Variants in INSL6 observed in about 807,000 individuals in gnomAD.
INSL6 encodes the protein insulin-like peptide INSL6.
In INSL6, 16 loss-of-function variants were observed where a neutral mutation model predicts 9.4. The observed-to-expected ratio is 1.70, with a 90% confidence interval of 1.15 to 2.59. The LOEUF (loss-of-function observed/expected upper bound fraction) is 2.59, where lower values mean the gene tolerates loss of function less well. Among genes scored for constraint, INSL6 ranks in the 30% most tolerant of loss-of-function variants. The pLI, the probability that INSL6 is intolerant of heterozygous loss-of-function variation, is 0.00. For synonymous variants in INSL6, 154 were observed against 96.9 expected (o/e 1.59, Z -3.46); for missense variants, 391 against 257.3 (o/e 1.52, Z -3.56).
chr9:5,171,858 T>A (rs921700342), intron 1 of INSL6, among the ~76,000 whole-genome samples: 1 of 152,044 alleles, frequency 6.6e-6, no homozygotes, highest in Admixed American at 6.5e-5. Flanking sequence ...CAAAAAAAAA[T>A]TCCATGTTCA....
At chr9:5,090,758 C>A in the INSL6 span, 1 of 1,603,484 alleles carries the variant, frequency 6.2e-7, no homozygotes. Context: ...TATCTTGGTA[C>A]AAAAAGGTAT....
Position 5,155,477 on chromosome 9 carries a change from TA to T in INSL6, c.376+8701del, listed in dbSNP as rs375686430. ...GTACCCTAAAACTTAAAGTATAATT[TA>T]AAAAAAAAACCTGGAGGTACCTAGC... is the stretch of plus-strand genomic sequence containing the variant. On this transcript the variant is annotated intron_variant, in intron 2 of 3. Coordinates refer to the INSL6 transcript ENST00000649639. Among the ~76,000 whole-genome samples, 175 of 131,924 alleles carry T rather than the reference TA, an allele frequency of 1.3e-3. 1 individual carries two copies. Among genetic ancestry groups the T allele is most frequent in the African/African-American group, 4.4e-3 (155 of 34,976 alleles). The allele number at this position is 131,924 out of a possible 152,430, so 86.5% of individuals were successfully genotyped here.
intron 1 of INSL6, among the ~76,000 whole-genome samples, chr9:5,175,647 C>T (rs1041991364): frequency 6.6e-6 from 1 of 152,104 alleles, no homozygotes; most frequent in African/African-American, 2.4e-5. Context: ...CTCCCCATTG[C>T]TCGCATTATC....
chr9:5,010,768 G>GTTC, the INSL6 span, among the ~76,000 whole-genome samples: 4 of 152,070 alleles, frequency 2.6e-5, no homozygotes, highest in Non-Finnish European at 5.9e-5. Flanking sequence ...TTCTTTATCA[G>GTTC]TTCTTGAGTG....
chr9:5,014,832 C>T, the INSL6 span, among the ~76,000 whole-genome samples: 1 of 152,152 alleles, frequency 6.6e-6, no homozygotes, highest in African/African-American at 2.4e-5. Flanking sequence ...TTTGCACCTA[C>T]ATATGTGTTT....
At chr9:5,078,388 C>T in the INSL6 span, 2 of 1,612,986 alleles carry the variant, frequency 1.2e-6, no homozygotes, top group Non-Finnish European at 1.7e-6. Context: ...ACAGGAAATC[C>T]TCCTTTCATC....
chr9:5,122,358 C>T (rs1291306307), downstream of INSL6, among the ~76,000 whole-genome samples: 3 of 152,040 alleles, frequency 2.0e-5, no homozygotes, highest in Non-Finnish European at 4.4e-5. Flanking sequence ...CCTTAGTCAC[C>T]CCTCTTCTGG....
chr9:5,021,226 C>T, the INSL6 span, among the ~76,000 whole-genome samples: 3 of 152,100 alleles, frequency 2.0e-5, no homozygotes, highest in Non-Finnish European at 4.4e-5. Context: ...GTTGAATTTC[C>T]GTGTTCTCTC....
At chr9:5,033,628 T>G in the INSL6 span, among the ~76,000 whole-genome samples, 2 of 152,136 alleles carry the variant, frequency 1.3e-5, no homozygotes, top group African/African-American at 4.8e-5. Flanking sequence ...GAATGTCATA[T>G]CCAGCCAAAC....
chr9:5,131,490 T>G lies in INSL6; in HGVS notation c.*10+1935A>C, dbSNP rs935923421. ...TTTGCTCTTGTCGTCCAGGCTGGAG[T>G]GCAATGGCGTGATCTCGGCTCACTG... On this transcript the variant is annotated intron_variant, in intron 3 of 3. Transcript: ENST00000649639. 1.1e-4 allele frequency among the ~76,000 whole-genome samples: 15 copies of G among 141,682 alleles called. No individual in the cohort carries two copies. The East Asian group carries it at 2.9e-3, about 28-fold the overall frequency. The allele number at this position is 141,682 out of a possible 152,430, so 92.9% of individuals were successfully genotyped here. A position where few individuals can be genotyped will look rare whatever the true frequency, so the allele number is the denominator to read the frequency against.
At chr9:5,116,190 T>C in the INSL6 span, among the ~76,000 whole-genome samples, 2 of 152,192 alleles carry the variant, frequency 1.3e-5, no homozygotes. Context: ...ATTTTAAGCA[T>C]GGAGAACTGA....
chr9:5,151,494 A>G (rs1023164382), intron 2 of INSL6, among the ~76,000 whole-genome samples: 2 of 152,200 alleles, frequency 1.3e-5, no homozygotes, highest in East Asian at 3.9e-4. Flanking sequence ...CAAACACCAG[A>G]AAAAAATGGA....
At chr9:5,051,781 T>C in the INSL6 span, among the ~76,000 whole-genome samples, 2 of 152,180 alleles carry the variant, frequency 1.3e-5, no homozygotes, top group African/African-American at 4.8e-5. Flanking sequence ...GCTTCAGTCA[T>C]TTCTTTGCCA....
the INSL6 span, chr9:5,098,987 C>A: frequency 6.6e-6 from 1 of 152,114 alleles, no homozygotes; most frequent in Non-Finnish European, 1.5e-5. Flanking sequence ...TGAGCCACTG[C>A]GCCCGGCTTA....
chr9:5,121,753 A>T (rs1823629903), downstream of INSL6, among the ~76,000 whole-genome samples: 1 of 152,202 alleles, frequency 6.6e-6, no homozygotes, highest in South Asian at 2.1e-4. Flanking sequence ...CTTATTTTCA[A>T]CAAGGGGAAT....
intron 2 of INSL6, among the ~76,000 whole-genome samples, chr9:5,156,880 A>G (rs967619976): frequency 1.1e-4 from 16 of 152,196 alleles, no homozygotes; most frequent in Admixed American, 3.9e-4. Context: ...AATTTTTAAA[A>G]TACCATTTAC....
chr9:5,110,343 A>G, the INSL6 span: 1 of 152,260 alleles, frequency 6.6e-6, no homozygotes, highest in Non-Finnish European at 1.5e-5. Context: ...CTGCGCTCTA[A>G]CACAAAATGA....
chr9:5,090,423 T>G, the INSL6 span: 1 of 1,493,650 alleles, frequency 6.7e-7, no homozygotes, highest in East Asian at 2.3e-5. Flanking sequence ...AGTAAAACAT[T>G]ATTTCCACCT....
At chr9:5,088,898 T>TC in the INSL6 span, among the ~76,000 whole-genome samples, 1 of 152,122 alleles carries the variant, frequency 6.6e-6, no homozygotes, top group Admixed American at 6.5e-5. Context: ...CCAAATACAG[T>TC]CATATTGGGG....
Sources: gnomAD v4.1 joint callset for allele counts (sites outside exome capture counted in the v4.1 genomes callset) on GRCh38, gnomAD v4.1.1 for gene constraint, MANE v1.5 for transcripts, NCBI Gene and HGNC (gene_info 2026-07-23, HGNC 2026-07-21) for gene names.